The following SCN11A variants were observed in gnomAD, a reference collection of about 807,000 sequenced individuals.
The protein encoded by SCN11A is sodium voltage-gated channel alpha subunit 11, also known as sodium channel protein type 11 subunit alpha.
SCN11A carries 122 observed loss-of-function variants against 162.2 expected under a neutral mutation model. The observed-to-expected ratio is 0.75, with a 90% CI of 0.65 to 0.87. The LOEUF (loss-of-function observed/expected upper bound fraction) is 0.87. Ranked by LOEUF, SCN11A falls within the 40% of genes least tolerant of loss-of-function variation. The probability of loss-of-function intolerance (pLI) is 0.00; values close to 1 mark genes in which losing one functional copy is unlikely to be tolerated. For missense variants in SCN11A, 2,015 were observed against 2,181.6 expected, an observed-to-expected ratio of 0.92 and a Z score of 1.52; for synonymous variants, 758 against 751.5, an observed-to-expected ratio of 1.01 and a Z score of -0.14.
At chr3:39,034,634 A>G (rs2031854479) in intron 1 of SCN11A, among the ~76,000 whole-genome samples, 1 of 152,236 alleles carries the variant, frequency 6.6e-6, no homozygotes, top group Non-Finnish European at 1.5e-5. Flanking sequence ...AGAGAAATAA[A>G]TAAAAGGCAT....
chr3:38,954,997 AAAGAAAAGAAAAGT>A (rs2066664312), intron 3 of SCN11A, among the ~76,000 whole-genome samples: 1 of 152,110 alleles, frequency 6.6e-6, no homozygotes, highest in Non-Finnish European at 1.5e-5. Context: ...CAAAAAAAGA[AAAGAAAAGAAAAGT>A]AACATTGAGG....
intron 26 of SCN11A, among the ~76,000 whole-genome samples, chr3:38,867,761 G>A (rs975671970): frequency 6.6e-6 from 1 of 152,102 alleles, no homozygotes; most frequent in African/African-American, 2.4e-5. Flanking sequence ...TTTTTAAAAA[G>A]TCATCCATAT....
In SCN11A at chr3:39,036,746, A is replaced by G. The variant is rs1236286526; in HGVS notation, c.-403-4243T>C. ...ACATACGAATGAAAAGGTGCCCAAC[A>G]TCACTGATCATCAAAGAAATGCAGA... is the stretch of plus-strand genomic sequence containing the variant. On this transcript the variant is annotated intron_variant, in intron 1 of 29. Coordinates refer to ENST00000302328, the MANE Select transcript of SCN11A (RefSeq NM_001349253.2). Among the ~76,000 whole-genome samples, 3 of 152,242 alleles carry G rather than the reference A, an allele frequency of 2.0e-5. No homozygotes were observed. The East Asian group carries it at 5.8e-4, about 29-fold the overall frequency.
At chr3:39,013,085 T>C (rs1296871091) in intron 2 of SCN11A, among the ~76,000 whole-genome samples, 3 of 152,152 alleles carry the variant, frequency 2.0e-5, no homozygotes, top group Admixed American at 6.5e-5. Context: ...TGAAAATAAA[T>C]ACCAGGTGAC....
chr3:38,857,348 G>A (rs6787250), intron 28 of SCN11A, among the ~76,000 whole-genome samples: 37,831 of 151,816 alleles, frequency 0.25, 4,873 homozygotes, highest in Middle Eastern at 0.3. Flanking sequence ...AAACACCTAC[G>A]GAAATGCAAA....
At chr3:39,047,696 TAATTTTTA>T (rs1170771127) in intron 1 of SCN11A, among the ~76,000 whole-genome samples, 57 of 151,962 alleles carry the variant, frequency 3.8e-4, no homozygotes, top group Admixed American at 2.4e-3. Flanking sequence ...AAAACCCAAA[TAATTTTTA>T]AATGGGCAAA....
Position 38,850,568 on chromosome 3 carries a change from G to A in SCN11A, c.4240C>T (p.Leu1414Phe). ...VFVVIFTLECLIKIFALRQYY... is the reference protein window; with the variant it reads ...VFVVIFTLECFIKIFALRQYY... ...TGCCTCAAAGCAAAGATTTTGATGA[G>A]ACATTCTAACGTAAAGATGACCACA... The change falls in exon 29 of 30, where the codon CTC (leucine) becomes TTC (phenylalanine). Residue 1414 changes from leucine to phenylalanine, a missense_variant. Physicochemically the swap from Leu to Phe is conservative, Grantham distance 22. Coordinates refer to ENST00000302328, the MANE Select transcript of SCN11A (RefSeq NM_001349253.2). 1 of 1,613,726 alleles carries A rather than the reference G, an allele frequency of 6.2e-7. No homozygotes were observed. The highest frequency in any genetic ancestry group is 8.5e-7 in the Non-Finnish European group (1 of 1,179,694).
chr3:39,047,482 A>G (rs867184490), intron 1 of SCN11A, among the ~76,000 whole-genome samples: 1 of 152,184 alleles, frequency 6.6e-6, no homozygotes, highest in Non-Finnish European at 1.5e-5. Flanking sequence ...GATTTTATGG[A>G]TAAGCCCTCA....
chr3:38,913,044 T>G (rs2065908286), intron 11 of SCN11A, among the ~76,000 whole-genome samples: 1 of 152,148 alleles, frequency 6.6e-6, no homozygotes, highest in Non-Finnish European at 1.5e-5. Flanking sequence ...CTGTTTTAGG[T>G]CTTTGAGGAA....
intron 19 of SCN11A, among the ~76,000 whole-genome samples, chr3:38,887,506 C>T (rs1470764095): frequency 6.6e-6 from 1 of 151,022 alleles, no homozygotes; most frequent in Non-Finnish European, 1.5e-5. Flanking sequence ...TTAATGCGTG[C>T]AGCACACCAA....
chr3:39,042,957 C>CAAAAAAAAAAAAAA (rs561204433), intron 1 of SCN11A, among the ~76,000 whole-genome samples: 4 of 65,992 alleles, frequency 6.1e-5, no homozygotes, highest in Non-Finnish European at 1.3e-4. Flanking sequence ...AACTCCATCT[C>CAAAAAAAAAAAAAA]AAAAAAAAAA....
chr3:38,908,907 G>C, intron 13 of SCN11A, 90 bp downstream of exon 13: 1 of 1,092,358 alleles, frequency 9.2e-7, no homozygotes, highest in Non-Finnish European at 1.4e-6. Flanking sequence ...CCAGGCCAAG[G>C]GTGGCAGCCT....
chr3:38,961,048 C>T (rs1226316308), intron 2 of SCN11A, among the ~76,000 whole-genome samples: 1 of 152,078 alleles, frequency 6.6e-6, no homozygotes, highest in East Asian at 1.9e-4. Context: ...AGTATCACAC[C>T]ATAAGCTATT....
chr3:38,913,340 T>C (rs2065912400), intron 11 of SCN11A, among the ~76,000 whole-genome samples: 1 of 152,212 alleles, frequency 6.6e-6, no homozygotes, highest in Non-Finnish European at 1.5e-5. Context: ...TGTTTTCTTA[T>C]TGTAAATTTA....
chr3:38,846,417 T>C lies in SCN11A; in HGVS notation c.*277A>G. 1 of 393,128 alleles carries C rather than the reference T, an allele frequency of 2.5e-6. No individual in the cohort carries two copies. Among genetic ancestry groups the C allele is most frequent in the Non-Finnish European group, 4.6e-6 (1 of 215,628 alleles). 24.4% of individuals were successfully genotyped at this position (393,128 alleles called of 1,614,324 possible). A position where few individuals can be genotyped will look rare whatever the true frequency, so the allele number is the denominator to read the frequency against. ...ATGAGCCACTGCGCCCGGCCTGAAC[T>C]ATTTCAATCCTAAAATTGGTATGTC... On this transcript the variant is annotated 3_prime_UTR_variant, in exon 30 of 30. Transcript: ENST00000302328.
chr3:38,925,295 T>C (rs978920285), intron 9 of SCN11A, 120 bp downstream of exon 9: 2 of 682,156 alleles, frequency 2.9e-6, no homozygotes, highest in Admixed American at 5.2e-5. Context: ...GACCATCAAA[T>C]AAATTTGTAA....
At chr3:39,018,201 C>T (rs964761304) in intron 2 of SCN11A, among the ~76,000 whole-genome samples, 3 of 152,312 alleles carry the variant, frequency 2.0e-5, no homozygotes, top group African/African-American at 7.2e-5. Context: ...TTAGAAACTT[C>T]TTTTCCTGAC....
At position 38,950,323 on chromosome 3, in the gene SCN11A, G is replaced by C; in HGVS notation, c.40C>G (p.Arg14Gly). The change falls in exon 5 of 30, where the codon CGG (arginine) becomes GGG (glycine). Residue 14 changes from arginine to glycine, a missense_variant. By Grantham distance (125) the Arg-to-Gly change is moderately radical. Coordinates refer to ENST00000302328, the MANE Select transcript of SCN11A (RefSeq NM_001349253.2). ...RCYPVIFPDE[R>G]NFRPFTSDSL... ...TCGGAAGTGAAGGGGCGGAAATTCC[G>C]CTCATCTGGAAAGATTACTGGGTAG... is the stretch of plus-strand genomic sequence containing the variant. 2 of 1,613,866 alleles carry C rather than the reference G, an allele frequency of 1.2e-6. No homozygotes were observed. Among genetic ancestry groups the C allele is most frequent in the African/African-American group, 1.3e-5 (1 of 74,972 alleles).
At chr3:38,963,095 C>T (rs1226585176) in intron 2 of SCN11A, among the ~76,000 whole-genome samples, 1 of 150,984 alleles carries the variant, frequency 6.6e-6, no homozygotes, top group Non-Finnish European at 1.5e-5. Flanking sequence ...TTCTACACTG[C>T]TGGTGGGAAT....
Sources: allele counts gnomAD v4.1 joint callset (sites outside exome capture counted in the v4.1 genomes callset), GRCh38; gene constraint gnomAD v4.1.1; transcripts MANE v1.5; gene names NCBI Gene and HGNC (gene_info 2026-07-23, HGNC 2026-07-21).